RCAN1: variants seen among roughly 807,000 people sequenced by gnomAD.
RCAN1 encodes the protein calcipressin-1.
RCAN1 carries 11 observed loss-of-function variants against 22.9 expected under a neutral mutation model. The ratio of observed to expected loss-of-function variants is 0.48; its 90% CI spans 0.30 to 0.79. The LOEUF (loss-of-function observed/expected upper bound fraction) is 0.79, where lower values mean the gene tolerates loss of function less well. RCAN1 is among the 30% of genes least tolerant of loss of function. The pLI is 0.06. For synonymous variants in RCAN1, 136 were observed against 142.3 expected (o/e 0.96, Z 0.32); for missense variants, 291 against 337.8 (o/e 0.86, Z 1.09).
At chr21:34,583,436 G>C (rs1987688046) in intron 1 of RCAN1, among the ~76,000 whole-genome samples, 1 of 152,148 alleles carries the variant, frequency 6.6e-6, no homozygotes, top group Admixed American at 6.5e-5. Flanking sequence ...CTCAGCTGGA[G>C]ATAGGGCCTT....
intron 1 of RCAN1, among the ~76,000 whole-genome samples, chr21:34,558,168 A>C (rs977098951): frequency 6.6e-6 from 1 of 152,228 alleles, no homozygotes; most frequent in African/African-American, 2.4e-5. Flanking sequence ...TGGCTATTCC[A>C]TAAAAGAGAT....
At chr21:34,595,681 C>A (rs1323182957) in intron 1 of RCAN1, among the ~76,000 whole-genome samples, 1 of 152,200 alleles carries the variant, frequency 6.6e-6, no homozygotes, top group Admixed American at 6.5e-5. Context: ...GAGCTGACTT[C>A]TCAACTGGCA....
At chr21:34,533,042 G>A (rs563209956) in intron 1 of RCAN1, among the ~76,000 whole-genome samples, 7 of 150,726 alleles carry the variant, frequency 4.6e-5, no homozygotes, top group East Asian at 2.0e-4. Context: ...CTCACTGCAA[G>A]CTCCGCCTCC....
At chr21:34,521,924 T>C (rs1329779979) in intron 2 of RCAN1, 2 of 457,600 alleles carry the variant, frequency 4.4e-6, no homozygotes, top group Non-Finnish European at 7.8e-6. Flanking sequence ...ACGCTTGACC[T>C]AGATGGACAG....
At chr21:34,571,860 T>C (rs1987245731) in intron 1 of RCAN1, among the ~76,000 whole-genome samples, 2 of 152,236 alleles carry the variant, frequency 1.3e-5, no homozygotes, top group African/African-American at 4.8e-5. Flanking sequence ...TAAAAATTTT[T>C]AATGATATTA....
chr21:34,555,571 C>CAAAAA (rs10683737), intron 1 of RCAN1, among the ~76,000 whole-genome samples: 13 of 131,034 alleles, frequency 9.9e-5, no homozygotes, highest in African/African-American at 3.7e-4. Flanking sequence ...GGCTGTGTCT[C>CAAAAA]AAAAAAAAAA....
rs578011855 is a variant in RCAN1 at position 34,611,563 on chromosome 21, GT to G, written c.252+3196del. 1.2e-4 allele frequency among the ~76,000 whole-genome samples: 18 copies of G among 152,262 alleles called. No individual in the cohort carries two copies. In the East Asian group the frequency reaches 3.3e-3, roughly 28 times the overall value. On this transcript the variant is annotated intron_variant, in intron 1 of 3. Transcript: ENST00000313806. ...GAATCATGTGACTATATATAAAGAA[GT>G]TTGATCCAGTCTTTTTTCCTCACAC...
In RCAN1 at chr21:34,547,820, G is replaced by A. The variant is rs148079769; in HGVS notation, c.253-24110C>T. 6.2e-4 allele frequency among the ~76,000 whole-genome samples: 95 copies of A among 152,278 alleles called. 1 individual carries two copies. In the Middle Eastern group the frequency reaches 0.01, roughly 16 times the overall value. On this transcript the variant is annotated intron_variant, in intron 1 of 3. Coordinates refer to ENST00000313806, the MANE Select transcript of RCAN1 (RefSeq NM_004414.7). ...ACCAGATGCTGGCACCATGCTCTTA[G>A]ACTTTTCAGCTTCCAGAACCGCAAA...
At chr21:34,534,139 G>A (rs558431319) in intron 1 of RCAN1, among the ~76,000 whole-genome samples, 16 of 152,106 alleles carry the variant, frequency 1.1e-4, no homozygotes, top group African/African-American at 1.4e-4. Context: ...AGAATACAGC[G>A]AAGGGGCGAG....
intron 3 of RCAN1, among the ~76,000 whole-genome samples, chr21:34,520,628 T>C (rs1198998602): frequency 1.3e-5 from 2 of 152,178 alleles, no homozygotes; most frequent in Non-Finnish European, 2.9e-5. Flanking sequence ...GGTCTCAGCA[T>C]TTATTTGACT....
chr21:34,556,909 A>T (rs540362909), intron 1 of RCAN1, among the ~76,000 whole-genome samples: 1 of 152,282 alleles, frequency 6.6e-6, no homozygotes, highest in South Asian at 2.1e-4. Flanking sequence ...GGACACATTT[A>T]TGGTCCTTTA....
At position 34,581,946 on chromosome 21, in the gene RCAN1, G is replaced by C. The variant is rs373739990; in HGVS notation, c.252+32814C>G. 5.9e-5 allele frequency among the ~76,000 whole-genome samples: 9 copies of C among 152,198 alleles called. No individual in the cohort carries two copies. The East Asian group carries it at 1.5e-3, about 26-fold the overall frequency. On this transcript the variant is annotated intron_variant, in intron 1 of 3. Coordinates refer to ENST00000313806, the MANE Select transcript of RCAN1 (RefSeq NM_004414.7). ...AAATTTGCTATCAAAATGCCAACAG[G>C]GCCGATCTCTTTCAAGCCAGACGAG... is the stretch of plus-strand genomic sequence containing the variant.
At chr21:34,533,623 C>G (rs1035506881) in intron 1 of RCAN1, among the ~76,000 whole-genome samples, 3 of 152,218 alleles carry the variant, frequency 2.0e-5, no homozygotes, top group Non-Finnish European at 2.9e-5. Flanking sequence ...ACTCCCCGCC[C>G]TCTTGGAGCT....
intron 1 of RCAN1, among the ~76,000 whole-genome samples, chr21:34,532,931 T>C (rs1985470154): frequency 6.6e-6 from 1 of 151,818 alleles, no homozygotes; most frequent in Admixed American, 6.6e-5. Context: ...TAAAATTTGA[T>C]AATACAGTCA....
rs1405695247 is a variant in RCAN1 at position 34,614,867 on chromosome 21, A to G, written c.145T>C (p.Trp49Arg). 2 of 1,465,776 alleles carry G rather than the reference A, an allele frequency of 1.4e-6. No homozygotes were observed. The highest frequency in any genetic ancestry group is 2.2e-5 in the Admixed American group (1 of 46,364). The allele number at this position is 1,465,776 out of a possible 1,614,324, so 90.8% of individuals were successfully genotyped here. ...AAEADEGGGDWSFIDCEMEEV... is the reference protein window; with the variant it reads ...AAEADEGGGDRSFIDCEMEEV... ...TCCATCTCGCAGTCAATGAAGCTCC[A>G]GTCGCCGCCGCCCTCGTCCGCCTCG... Residue 49 changes from tryptophan to arginine, a missense_variant, in exon 1 of 4, where the codon TGG (tryptophan) becomes CGG (arginine). Trp to Arg is a moderately radical substitution (Grantham distance 101). Transcript: ENST00000313806. This position sits in a 1 kb window ranked among gnomAD's most constrained non-coding sequence, Gnocchi z 6.0.
chr21:34,560,604 C>T (rs565094073), intron 1 of RCAN1, among the ~76,000 whole-genome samples: 2 of 152,214 alleles, frequency 1.3e-5, no homozygotes, highest in South Asian at 4.1e-4. Flanking sequence ...GGCTTTATAA[C>T]GGAAACCATT....
chr21:34,586,996 C>A (rs1286876742), intron 1 of RCAN1, among the ~76,000 whole-genome samples: 1 of 151,652 alleles, frequency 6.6e-6, no homozygotes, highest in Non-Finnish European at 1.5e-5. Context: ...GTGGAAAACA[C>A]TGAAACAGAA....
chr21:34,554,082 A>C (rs1268541263), intron 1 of RCAN1, among the ~76,000 whole-genome samples: 1 of 152,240 alleles, frequency 6.6e-6, no homozygotes, highest in Non-Finnish European at 1.5e-5. Context: ...AAAATCTCAG[A>C]AACAATGCAC....
At chr21:34,595,224 T>C (rs1333993001) in intron 1 of RCAN1, among the ~76,000 whole-genome samples, 1 of 152,156 alleles carries the variant, frequency 6.6e-6, no homozygotes, top group Non-Finnish European at 1.5e-5. Context: ...CTTGCTCTAG[T>C]AACTGGCACA....
Sources: allele counts gnomAD v4.1 joint callset (sites outside exome capture counted in the v4.1 genomes callset), GRCh38; gene constraint gnomAD v4.1.1; non-coding constraint Gnocchi (gnomAD v3.1); transcripts MANE v1.5; gene names NCBI Gene and HGNC (gene_info 2026-07-23, HGNC 2026-07-21).